The following CHST11 variants were observed in gnomAD, a reference collection of about 807,000 sequenced individuals.
CHST11 encodes carbohydrate sulfotransferase 11.
CHST11 carries 9 observed loss-of-function variants against 30.4 expected under a neutral mutation model. That is an observed-to-expected ratio of 0.30 (90% CI 0.18 to 0.52). CHST11 has a LOEUF of 0.52. Ranked by LOEUF, CHST11 falls within the 20% of genes least tolerant of loss-of-function variation. The probability of loss-of-function intolerance (pLI) is 0.97; values close to 1 mark genes in which losing one functional copy is unlikely to be tolerated. For missense variants in CHST11, 348 were observed against 460.6 expected, an observed-to-expected ratio of 0.76 and a Z score of 2.24; for synonymous variants, 152 against 187.8, an observed-to-expected ratio of 0.81 and a Z score of 1.56.
chr12:104,492,383 G>A (rs1045841036), intron 1 of CHST11, among the ~76,000 whole-genome samples: 1 of 152,138 alleles, frequency 6.6e-6, no homozygotes, highest in African/African-American at 2.4e-5. Context: ...TTAAAGGCAT[G>A]TATCACTCTC....
intron 1 of CHST11, among the ~76,000 whole-genome samples, chr12:104,567,455 C>A (rs1254400610): frequency 6.6e-6 from 1 of 152,150 alleles, no homozygotes; most frequent in East Asian, 1.9e-4. Flanking sequence ...ATGTCTGTCC[C>A]TCTCTCCCTG....
At chr12:104,739,230 G>A (rs2040327828) in intron 2 of CHST11, among the ~76,000 whole-genome samples, 1 of 152,318 alleles carries the variant, frequency 6.6e-6, no homozygotes, top group African/African-American at 2.4e-5. Context: ...ACCAGGGGAG[G>A]CAGGGAAAGT....
chr12:104,752,040 C>T (rs960799107), intron 2 of CHST11, among the ~76,000 whole-genome samples: 13 of 152,216 alleles, frequency 8.5e-5, no homozygotes, highest in Admixed American at 8.5e-4. Context: ...CAAATTACCA[C>T]AAACTGAGTG....
chr12:104,475,028 A>T (rs1018111085), intron 1 of CHST11, among the ~76,000 whole-genome samples: 1 of 152,172 alleles, frequency 6.6e-6, no homozygotes, highest in Non-Finnish European at 1.5e-5. Context: ...TTTGCAGTTG[A>T]CTACTTAGAC....
chr12:104,473,474 T>C (rs1426306864), intron 1 of CHST11, among the ~76,000 whole-genome samples: 1 of 151,980 alleles, frequency 6.6e-6, no homozygotes, highest in African/African-American at 2.4e-5. Context: ...CATGGGTGTA[T>C]CCGGGTCAGG....
chr12:104,553,573 GA>G (rs1192064541), intron 1 of CHST11: 3 of 45,836 alleles, frequency 6.5e-5, no homozygotes. Flanking sequence ...GTCAGCGAGA[GA>G]GAGAGAGAGA....
chr12:104,663,396 A>C (rs953928676), intron 2 of CHST11, among the ~76,000 whole-genome samples: 3 of 152,224 alleles, frequency 2.0e-5, no homozygotes, highest in African/African-American at 7.2e-5. Context: ...AAATAAATGC[A>C]AGTCAAATGA....
intron 2 of CHST11, among the ~76,000 whole-genome samples, chr12:104,666,140 A>G (rs2039641305): frequency 6.6e-6 from 1 of 152,024 alleles, no homozygotes; most frequent in Non-Finnish European, 1.5e-5. Context: ...AATCTTATTT[A>G]GACTATCATG....
At chr12:104,503,478 C>T (rs776590690) in intron 1 of CHST11, among the ~76,000 whole-genome samples, 4 of 152,206 alleles carry the variant, frequency 2.6e-5, no homozygotes, top group Admixed American at 6.5e-5. Flanking sequence ...TACCCACCTT[C>T]TAAAGTGTGT....
At chr12:104,653,191 C>T (rs2039511054) in intron 2 of CHST11, among the ~76,000 whole-genome samples, 1 of 152,142 alleles carries the variant, frequency 6.6e-6, no homozygotes, top group Non-Finnish European at 1.5e-5. Flanking sequence ...ATTCTACTTT[C>T]TGTTTCTATG....
chr12:104,515,815 T>TG (rs1396932528), intron 1 of CHST11, among the ~76,000 whole-genome samples: 1 of 152,114 alleles, frequency 6.6e-6, no homozygotes, highest in African/African-American at 2.4e-5. Flanking sequence ...ATGATGGGGC[T>TG]GGGGCAGCGG....
chr12:104,761,349 G>C lies in CHST11; in HGVS notation c.*3546G>C, dbSNP rs1427506650. 1 of 152,270 alleles carries C rather than the reference G, an allele frequency of 6.6e-6. No homozygotes were observed. The highest frequency in any genetic ancestry group is 1.5e-5 in the Non-Finnish European group (1 of 68,114). 9.4% of individuals were successfully genotyped at this position (152,270 alleles called of 1,614,324 possible). On this transcript the variant is annotated 3_prime_UTR_variant, in exon 3 of 3. Coordinates refer to ENST00000303694, the MANE Select transcript of CHST11 (RefSeq NM_018413.6). Reference sequence around the variant, plus strand: ...TAATCCAGGCTACTAGAAAGCTCCAGAGCAAAGTGTGCGGGTCCCACAAAT... The same window carrying C: ...TAATCCAGGCTACTAGAAAGCTCCACAGCAAAGTGTGCGGGTCCCACAAAT...
chr12:104,591,820 G>A (rs1247509647), intron 1 of CHST11: 1 of 154,084 alleles, frequency 6.5e-6, no homozygotes, highest in Non-Finnish European at 1.5e-5. Context: ...AAGAACAATA[G>A]AAAATGTTAG....
At chr12:104,542,881 A>G (rs370983085) in intron 1 of CHST11, among the ~76,000 whole-genome samples, 5 of 152,340 alleles carry the variant, frequency 3.3e-5, no homozygotes, top group Admixed American at 6.5e-5. Context: ...TTGTTACCCT[A>G]AAGAGTAGTT....
rs140817036 is a variant in CHST11 at position 104,544,208 on chromosome 12, A to G, written c.119-57698A>G. 4.3e-3 allele frequency among the ~76,000 whole-genome samples: 657 copies of G among 151,086 alleles called. 5 individuals are homozygous for G. Among genetic ancestry groups the G allele is most frequent in the South Asian group, 7.9e-3 (38 of 4,784 alleles). On this transcript the variant is annotated intron_variant, in intron 1 of 2. Transcript: ENST00000303694. ...ACCTGAAAAGAACTAATTAACGCTC[A>G]TACATAGAATTTTTGATGAGAACCT...
At chr12:104,675,860 A>G (rs1393451214) in intron 2 of CHST11, among the ~76,000 whole-genome samples, 2 of 152,124 alleles carry the variant, frequency 1.3e-5, no homozygotes, top group African/African-American at 4.8e-5. Context: ...AAGGACTCTG[A>G]CAGAGGTACA....
intron 1 of CHST11, among the ~76,000 whole-genome samples, chr12:104,481,676 A>G (rs2037624226): frequency 6.6e-6 from 1 of 152,070 alleles, no homozygotes; most frequent in Admixed American, 6.6e-5. Flanking sequence ...GGGGTTTCTG[A>G]TACCTAAATG....
At chr12:104,607,152 C>T (rs1158827236) in intron 2 of CHST11, among the ~76,000 whole-genome samples, 4 of 152,136 alleles carry the variant, frequency 2.6e-5, no homozygotes, top group Non-Finnish European at 5.9e-5. Context: ...CAGTGAAGGA[C>T]AGGCCTTTGA....
chr12:104,625,718 C>T (rs1018802250), intron 2 of CHST11, among the ~76,000 whole-genome samples: 8 of 152,246 alleles, frequency 5.3e-5, no homozygotes, highest in Non-Finnish European at 7.4e-5. Context: ...AAACAGGTGC[C>T]CTGGGAGTTG....
Sources: allele counts gnomAD v4.1 joint callset (sites outside exome capture counted in the v4.1 genomes callset), GRCh38; gene constraint gnomAD v4.1.1; transcripts MANE v1.5; gene names NCBI Gene and HGNC (gene_info 2026-07-23, HGNC 2026-07-21).